Variants in DNAJC1 observed in about 807,000 individuals in gnomAD.
DNAJC1 encodes dnaJ homolog subfamily C member 1.
In DNAJC1, 58 loss-of-function variants were observed where a neutral mutation model predicts 76.6. That is an observed-to-expected ratio of 0.76 (90% CI 0.61 to 0.94). The LOEUF is 0.94. Among genes scored for constraint, DNAJC1 ranks in the 40% least tolerant of loss-of-function variants. The pLI is 0.00. For synonymous variants in DNAJC1, 258 were observed against 267.9 expected, an observed-to-expected ratio of 0.96 and a Z score of 0.36; for missense variants, 689 against 677.3, an observed-to-expected ratio of 1.02 and a Z score of -0.19.
intron 1 of DNAJC1, among the ~76,000 whole-genome samples, chr10:21,972,657 C>T (rs1175336509): frequency 1.3e-5 from 2 of 151,862 alleles, no homozygotes; most frequent in Admixed American, 1.3e-4. Context: ...ATAAATAATT[C>T]CTATTTGTCC....
At chr10:21,823,564 A>G (rs115846330) in intron 8 of DNAJC1, among the ~76,000 whole-genome samples, 4,432 of 152,070 alleles carry the variant, frequency 0.029, 103 homozygotes, top group Middle Eastern at 0.065. Flanking sequence ...TTATTGTCAT[A>G]TTTTCTTCCT....
At chr10:21,839,520 T>C (rs1283564539) in intron 8 of DNAJC1, among the ~76,000 whole-genome samples, 2 of 152,146 alleles carry the variant, frequency 1.3e-5, no homozygotes, top group Admixed American at 1.3e-4. Context: ...ATAAATTCCT[T>C]GACACCTACA....
At chr10:21,756,976 C>T (rs564576387) in intron 11 of DNAJC1, among the ~76,000 whole-genome samples, 3 of 152,234 alleles carry the variant, frequency 2.0e-5, no homozygotes, top group East Asian at 1.9e-4. Context: ...AGGTGCTTGG[C>T]GTGGAGTGAG....
chr10:21,961,877 TCTAA>T (rs1436386640), intron 1 of DNAJC1, among the ~76,000 whole-genome samples: 3 of 152,144 alleles, frequency 2.0e-5, no homozygotes, highest in Admixed American at 6.5e-5. Context: ...TCACTTTTCC[TCTAA>T]CTTTCTCCAC....
chr10:21,985,726 T>C (rs1209727922), intron 1 of DNAJC1, among the ~76,000 whole-genome samples: 3 of 152,208 alleles, frequency 2.0e-5, no homozygotes, highest in Non-Finnish European at 4.4e-5. Context: ...TAAATAGCAT[T>C]GCACTGAATG....
At chr10:21,832,681 G>A (rs1835379520) in intron 8 of DNAJC1, among the ~76,000 whole-genome samples, 1 of 151,972 alleles carries the variant, frequency 6.6e-6, no homozygotes, top group Non-Finnish European at 1.5e-5. Flanking sequence ...CTTCACTCAG[G>A]AATTTATTAT....
chr10:21,947,454 A>G (rs1161372626), intron 1 of DNAJC1, among the ~76,000 whole-genome samples: 1 of 152,196 alleles, frequency 6.6e-6, no homozygotes, highest in Admixed American at 6.5e-5. Flanking sequence ...AGAAGATGCA[A>G]AGATGAAGAA....
chr10:21,901,265 G>C (rs942762047), intron 7 of DNAJC1, among the ~76,000 whole-genome samples: 2 of 152,132 alleles, frequency 1.3e-5, no homozygotes, highest in African/African-American at 2.4e-5. Flanking sequence ...AAATAATCGA[G>C]TTTACTTCTA....
At chr10:21,855,062 A>C (rs1835813251) in intron 8 of DNAJC1, among the ~76,000 whole-genome samples, 1 of 152,182 alleles carries the variant, frequency 6.6e-6, no homozygotes, top group African/African-American at 2.4e-5. Flanking sequence ...TCATCTAGTT[A>C]AGATCTGACT....
chr10:21,787,425 G>GAGAAGA, intron 9 of DNAJC1, among the ~76,000 whole-genome samples: 1 of 152,112 alleles, frequency 6.6e-6, no homozygotes, highest in South Asian at 2.1e-4. Flanking sequence ...GGAGGAGAAG[G>GAGAAGA]AGAAGAAGAA....
chr10:21,780,112 C>T (rs1834507403), intron 9 of DNAJC1, among the ~76,000 whole-genome samples: 3 of 152,268 alleles, frequency 2.0e-5, no homozygotes, highest in Non-Finnish European at 2.9e-5. Context: ...ACCAAATTTA[C>T]GTCTGATTGG....
chr10:21,805,968 C>T lies in DNAJC1; in HGVS notation c.1098+12G>A. The T allele has an allele frequency of 6.2e-7, 1 of 1,611,384 alleles. No homozygotes were observed. Among genetic ancestry groups the T allele is most frequent in the East Asian group, 2.2e-5 (1 of 44,866 alleles). ...TTCTCTCTCTATACAATGCAAATCT[C>T]AGTGAACTCACATCTGTCACAGATC... On this transcript the variant is annotated intron_variant, in intron 9 of 11. Transcript: ENST00000376980.
intron 8 of DNAJC1, among the ~76,000 whole-genome samples, chr10:21,861,782 A>G (rs2666764): frequency 0.78 from 118,615 of 152,026 alleles, 47,145 homozygotes; most frequent in East Asian, 0.99. Flanking sequence ...GTCTAGAAAG[A>G]GGAGGCATGA....
At chr10:21,932,266 G>A (rs910338981) in intron 1 of DNAJC1, among the ~76,000 whole-genome samples, 8 of 152,158 alleles carry the variant, frequency 5.3e-5, no homozygotes, top group Non-Finnish European at 1.2e-4. Context: ...CTTGAGCCCA[G>A]GAGGTTGAGG....
chr10:21,942,631 G>A (rs756632050), intron 1 of DNAJC1, among the ~76,000 whole-genome samples: 5 of 151,506 alleles, frequency 3.3e-5, no homozygotes, highest in South Asian at 2.1e-4. Flanking sequence ...ACAGTGAAAC[G>A]CCGTCTCTAC....
At chr10:21,914,780 T>A (rs1322111768) in intron 6 of DNAJC1, among the ~76,000 whole-genome samples, 1 of 152,202 alleles carries the variant, frequency 6.6e-6, no homozygotes, top group Non-Finnish European at 1.5e-5. Context: ...AAAATTATCT[T>A]TGTATACCAC....
intron 8 of DNAJC1, among the ~76,000 whole-genome samples, chr10:21,827,505 G>A (rs1360737670): frequency 6.6e-6 from 1 of 152,140 alleles, no homozygotes; most frequent in Non-Finnish European, 1.5e-5. Flanking sequence ...GTTTTGGCAG[G>A]GTTAGTTCCT....
chr10:21,895,278 T>G (rs1481438684), intron 7 of DNAJC1, among the ~76,000 whole-genome samples: 2 of 152,172 alleles, frequency 1.3e-5, no homozygotes, highest in Non-Finnish European at 2.9e-5. Context: ...ATCAGAATGC[T>G]CGTAGAAATA....
intron 8 of DNAJC1, among the ~76,000 whole-genome samples, chr10:21,815,739 C>A (rs570521822): frequency 4.6e-5 from 7 of 151,612 alleles, no homozygotes; most frequent in African/African-American, 1.7e-4. Context: ...AGGCAGAGGT[C>A]AAGGTTCATT....
Sources: gnomAD v4.1 joint callset for allele counts (sites outside exome capture counted in the v4.1 genomes callset) on GRCh38, gnomAD v4.1.1 for gene constraint, MANE v1.5 for transcripts, NCBI Gene and HGNC (gene_info 2026-07-23, HGNC 2026-07-21) for gene names.